PPARGC1A: variants seen among roughly 807,000 people sequenced by gnomAD.
The protein encoded by PPARGC1A is peroxisome proliferator-activated receptor gamma coactivator 1-alpha.
Under a neutral mutation model 88.7 loss-of-function variants are expected in PPARGC1A, and 25 were observed. The observed-to-expected ratio is 0.28, with a 90% confidence interval of 0.21 to 0.39. PPARGC1A has a LOEUF of 0.39. Ranked by LOEUF, PPARGC1A falls within the 10% of genes least tolerant of loss-of-function variation. The probability of loss-of-function intolerance (pLI) is 1.00; values close to 1 mark genes in which losing one functional copy is unlikely to be tolerated. For synonymous variants in PPARGC1A, 363 were observed against 355.6 expected (o/e 1.02, Z -0.24); for missense variants, 880 against 968.7 (o/e 0.91, Z 1.22).
chr4:24,239,006 C>T, the PPARGC1A span, among the ~76,000 whole-genome samples: 1 of 152,122 alleles, frequency 6.6e-6, no homozygotes, highest in Non-Finnish European at 1.5e-5. Flanking sequence ...CCATTGCTAT[C>T]TTTCAGGCAC....
chr4:24,120,547 A>C, the PPARGC1A span, among the ~76,000 whole-genome samples: 1 of 152,158 alleles, frequency 6.6e-6, no homozygotes, highest in Admixed American at 6.5e-5. Context: ...AGGGAGAGTA[A>C]GTAACTTGCA....
the PPARGC1A span, among the ~76,000 whole-genome samples, chr4:24,136,401 C>T: frequency 5.6e-3 from 856 of 152,222 alleles, 1 homozygote; most frequent in Non-Finnish European, 7.9e-3. Flanking sequence ...CTTGTAAACA[C>T]GCAAAGTAAG....
chr4:24,047,507 C>T, the PPARGC1A span, among the ~76,000 whole-genome samples: 1 of 152,160 alleles, frequency 6.6e-6, no homozygotes, highest in Non-Finnish European at 1.5e-5. Flanking sequence ...TAAGGTAGCA[C>T]CATTCTTGAC....
the PPARGC1A span, among the ~76,000 whole-genome samples, chr4:24,157,778 T>C: frequency 6.6e-6 from 1 of 152,156 alleles, no homozygotes; most frequent in East Asian, 1.9e-4. Context: ...CCATTGTTGA[T>C]TTGGTCTGAA....
the PPARGC1A span, among the ~76,000 whole-genome samples, chr4:24,369,556 T>C: frequency 1.3e-5 from 2 of 151,846 alleles, no homozygotes; most frequent in Non-Finnish European, 2.9e-5. Flanking sequence ...CATGAGAAAA[T>C]TGAAGCTCAG....
chr4:23,799,296 A>T (rs1025605556), intron 12 of PPARGC1A, among the ~76,000 whole-genome samples: 1 of 152,180 alleles, frequency 6.6e-6, no homozygotes, highest in Non-Finnish European at 1.5e-5. Context: ...TACACTTCTA[A>T]CTTCTCATTC....
chr4:24,153,088 T>G, the PPARGC1A span, among the ~76,000 whole-genome samples: 2 of 152,198 alleles, frequency 1.3e-5, no homozygotes, highest in Non-Finnish European at 2.9e-5. Context: ...GACAGGCACT[T>G]TGAATACAGG....
chr4:24,296,187 G>A, the PPARGC1A span, among the ~76,000 whole-genome samples: 1 of 148,326 alleles, frequency 6.7e-6, no homozygotes, highest in Non-Finnish European at 1.5e-5. Flanking sequence ...GTGTGTATGT[G>A]TGTATGTGTG....
At chr4:24,066,632 C>T in the PPARGC1A span, among the ~76,000 whole-genome samples, 2 of 152,110 alleles carry the variant, frequency 1.3e-5, no homozygotes, top group Admixed American at 1.3e-4. Flanking sequence ...AATCCCCAGG[C>T]TCCGATAGGG....
chr4:24,407,689 C>T, the PPARGC1A span, among the ~76,000 whole-genome samples: 1 of 152,216 alleles, frequency 6.6e-6, no homozygotes, highest in Admixed American at 6.5e-5. Context: ...AAACAGAAGG[C>T]ATCTGCTGTT....
the PPARGC1A span, among the ~76,000 whole-genome samples, chr4:24,328,105 C>T: frequency 7.2e-5 from 11 of 152,152 alleles, no homozygotes; most frequent in East Asian, 1.9e-4. Context: ...TATCTCCCTT[C>T]GCTGACTCTC....
At chr4:24,372,223 T>C in the PPARGC1A span, among the ~76,000 whole-genome samples, 11 of 152,220 alleles carry the variant, frequency 7.2e-5, no homozygotes, top group Admixed American at 2.6e-4. Context: ...ATTTAACTCA[T>C]TGGCTTTGAG....
chr4:24,038,639 C>A, the PPARGC1A span, among the ~76,000 whole-genome samples: 1 of 152,172 alleles, frequency 6.6e-6, no homozygotes, highest in Non-Finnish European at 1.5e-5. Context: ...TCTCCGGGAT[C>A]CTCAAGGTAG....
At chr4:24,209,662 T>G in the PPARGC1A span, among the ~76,000 whole-genome samples, 1 of 152,196 alleles carries the variant, frequency 6.6e-6, no homozygotes, top group Non-Finnish European at 1.5e-5. Context: ...GAAAGGAGCA[T>G]TGCCTAGATT....
At chr4:24,267,195 C>T in the PPARGC1A span, among the ~76,000 whole-genome samples, 3 of 152,122 alleles carry the variant, frequency 2.0e-5, no homozygotes, top group Non-Finnish European at 4.4e-5. Flanking sequence ...AACAGAGTAG[C>T]GACAGTGGAA....
the PPARGC1A span, among the ~76,000 whole-genome samples, chr4:24,410,060 C>T: frequency 6.6e-6 from 1 of 152,190 alleles, no homozygotes; most frequent in Non-Finnish European, 1.5e-5. Flanking sequence ...CTACGTACAG[C>T]TCTATGTAGT....
At chr4:24,340,005 G>A in the PPARGC1A span, among the ~76,000 whole-genome samples, 1 of 152,118 alleles carries the variant, frequency 6.6e-6, no homozygotes, top group Non-Finnish European at 1.5e-5. Flanking sequence ...CCAAAGTGCT[G>A]AGATTACAGG....
At chr4:24,113,325 A>T in the PPARGC1A span, among the ~76,000 whole-genome samples, 2 of 151,412 alleles carry the variant, frequency 1.3e-5, no homozygotes, top group South Asian at 4.3e-4. Context: ...TGGAAATGGA[A>T]AGGATAGATG....
At chr4:24,388,574 T>A in the PPARGC1A span, among the ~76,000 whole-genome samples, 16 of 152,180 alleles carry the variant, frequency 1.1e-4, no homozygotes, top group Non-Finnish European at 1.9e-4. Context: ...CCAACCCAAA[T>A]GCCCATCATT....
Sources: allele counts gnomAD v4.1 joint callset (sites outside exome capture counted in the v4.1 genomes callset), GRCh38; gene constraint gnomAD v4.1.1; transcripts MANE v1.5; gene names NCBI Gene and HGNC (gene_info 2026-07-23, HGNC 2026-07-21).